The following MEPE variants were observed in gnomAD, a reference collection of about 807,000 sequenced individuals.
MEPE encodes the protein matrix extracellular phosphoglycoprotein, also known as matrix, extracellular phosphoglycoprotein with ASARM motif (bone).
MEPE carries 7 observed loss-of-function variants against 7.3 expected under a neutral mutation model. The observed-to-expected ratio is 0.95, with a 90% confidence interval of 0.54 to 1.79. The LOEUF (loss-of-function observed/expected upper bound fraction) is 1.79. Ranked by LOEUF, MEPE falls within the 40% of genes most tolerant of loss-of-function variation. MEPE has a pLI of 0.00. For synonymous variants in MEPE, 214 were observed against 213.1 expected (o/e 1.00, Z -0.04); for missense variants, 623 against 628.2 (o/e 0.99, Z 0.09).
rs1370429485 is a variant in MEPE, at chr4:87,846,563, G to A, written c.*117G>A. Reference sequence around the variant, plus strand: ...AAGAGAGGATAGAGTGAAGAACTGAGTGAGCCAAGAATCCTGGTCTCCTTG... The same window carrying A: ...AAGAGAGGATAGAGTGAAGAACTGAATGAGCCAAGAATCCTGGTCTCCTTG... On this transcript the variant is annotated 3_prime_UTR_variant, in exon 4 of 4. Coordinates refer to ENST00000361056, the MANE Select transcript of MEPE (RefSeq NM_020203.6). The A allele has an allele frequency of 6.8e-6, 8 of 1,176,834 alleles. No individual in the cohort carries two copies. Among genetic ancestry groups the A allele is most frequent in the Non-Finnish European group, 9.5e-6 (8 of 843,886 alleles). 72.9% of individuals were successfully genotyped at this position (1,176,834 alleles called of 1,614,324 possible). A position where few individuals can be genotyped will look rare whatever the true frequency, so the allele number is the denominator to read the frequency against.
intron 3 of MEPE, chr4:87,839,586 T>C (rs1224137126): frequency 8.6e-6 from 7 of 810,580 alleles, no homozygotes; most frequent in Non-Finnish European, 1.2e-5. Flanking sequence ...AGAATTCAAC[T>C]TCACCCAACT....
At position 87,846,610 on chromosome 4, in the gene MEPE, T is replaced by C. The variant is rs4314251; in HGVS notation, c.*164T>C. 1.5e-6 allele frequency: 1 copy of C among 671,978 alleles called. No homozygotes were observed. Among genetic ancestry groups the C allele is most frequent in the Non-Finnish European group, 2.4e-6 (1 of 412,870 alleles). The allele number at this position is 671,978 out of a possible 1,614,324, so 41.6% of individuals were successfully genotyped here. A position where few individuals can be genotyped will look rare whatever the true frequency, so the allele number is the denominator to read the frequency against. On this transcript the variant is annotated 3_prime_UTR_variant, in exon 4 of 4. Transcript: ENST00000361056. The stretch of plus-strand genomic sequence containing the variant: ...CTTGGGGGAATTTTTGCTATCTTAA[T>C]AGTCACAGTATAAAATTCTATTAAA...
chr4:87,845,633 C>A lies in MEPE; in HGVS notation c.765C>A (p.Phe255Leu). Residue 255 changes from phenylalanine to leucine, a missense_variant, in exon 4 of 4, where the codon TTC (phenylalanine) becomes TTA (leucine). Phe to Leu is a conservative substitution (Grantham distance 22, BLOSUM62 0). Coordinates refer to ENST00000361056, the MANE Select transcript of MEPE (RefSeq NM_020203.6). ...GAGGGGACAATGATATATCTCCTTTCAGTGGGGACGGCCAACCTTTTAAGG... is the reference window on the plus strand; with the variant it reads ...GAGGGGACAATGATATATCTCCTTTAAGTGGGGACGGCCAACCTTTTAAGG... The part of the protein sequence containing the change: ...QERGDNDISP[F>L]SGDGQPFKDI... The A allele has an allele frequency of 1.9e-6, 3 of 1,613,894 alleles. No individual in the cohort carries two copies. Among genetic ancestry groups the A allele is most frequent in the South Asian group, 1.1e-5 (1 of 91,038 alleles).
At chr4:87,830,353 A>C (rs1449828791), upstream of MEPE, among the ~76,000 whole-genome samples, 1 of 152,200 alleles carries the variant, frequency 6.6e-6, no homozygotes, top group African/African-American at 2.4e-5. Flanking sequence ...GACAGACTGG[A>C]TAAAGAAAAT....
chr4:87,826,094 G>A (rs1722456328), intron 1 of MEPE, among the ~76,000 whole-genome samples: 1 of 151,914 alleles, frequency 6.6e-6, no homozygotes, highest in South Asian at 2.1e-4. Flanking sequence ...TCATTGATGG[G>A]CATTTATATC....
chr4:87,845,269 G>A lies in MEPE; in HGVS notation c.401G>A (p.Ser134Asn). 1.2e-6 allele frequency: 2 copies of A among 1,613,980 alleles called. No homozygotes were observed. Among genetic ancestry groups the A allele is most frequent in the South Asian group, 2.2e-5 (2 of 91,078 alleles). ...KGFEDGDDAISKLHDQEEYGA... is the reference protein window; with the variant it reads ...KGFEDGDDAINKLHDQEEYGA... The stretch of plus-strand genomic sequence containing the variant: ...TTTGAGGATGGAGATGATGCTATCA[G>A]CAAACTACATGACCAAGAAGAATAT... The change falls in exon 4 of 4, where the codon AGC becomes AAC. Residue 134 changes from serine (S) to asparagine (N), a missense_variant. Coordinates refer to ENST00000361056, the MANE Select transcript of MEPE (RefSeq NM_020203.6).
chr4:87,846,119 C>CCAAG lies in MEPE; in HGVS notation c.1255_1258dup (p.Thr420SerfsTer5). On this transcript the variant is annotated frameshift_variant, in exon 4 of 4. Transcript: ENST00000361056. LOFTEE classifies it low-confidence loss of function (END_TRUNC). ...AGGGTGTAGATCATTCTAATAGGAA[C>CCAAG]CAAGCAACCTTAAATGAAAAACAAA... 6.2e-7 allele frequency: 1 copy of CCAAG among 1,603,890 alleles called. No homozygotes were observed. Among genetic ancestry groups the CCAAG allele is most frequent in the Non-Finnish European group, 8.5e-7 (1 of 1,175,576 alleles).
At chr4:87,834,372 C>A (rs1560536745) in intron 1 of MEPE, among the ~76,000 whole-genome samples, 1 of 152,280 alleles carries the variant, frequency 6.6e-6, no homozygotes, top group South Asian at 2.1e-4. Flanking sequence ...AATAATTAAA[C>A]AATCTCTTTC....
intron 1 of MEPE, among the ~76,000 whole-genome samples, chr4:87,821,936 G>A (rs1722348270): frequency 6.6e-6 from 1 of 152,244 alleles, no homozygotes. Context: ...CCTCATATAT[G>A]CAGCACAAGA....
At chr4:87,825,342 G>T (rs917516601) in intron 1 of MEPE, among the ~76,000 whole-genome samples, 1 of 152,170 alleles carries the variant, frequency 6.6e-6, no homozygotes, top group Non-Finnish European at 1.5e-5. Context: ...AATGGGCCAT[G>T]ATCAAATCCA....
upstream of MEPE, among the ~76,000 whole-genome samples, chr4:87,832,120 A>G (rs1290970538): frequency 2.6e-5 from 4 of 151,898 alleles, no homozygotes; most frequent in Non-Finnish European, 5.9e-5. Flanking sequence ...GACAAGCAGA[A>G]GGGCAAAAAG....
intron 1 of MEPE, among the ~76,000 whole-genome samples, chr4:87,822,182 C>T (rs1329038050): frequency 2.0e-5 from 3 of 152,174 alleles, no homozygotes; most frequent in Non-Finnish European, 4.4e-5. Flanking sequence ...AGTAGAACTT[C>T]CACTCAACAC....
chr4:87,821,890 A>G (rs560585214), intron 1 of MEPE, among the ~76,000 whole-genome samples: 2 of 152,272 alleles, frequency 1.3e-5, no homozygotes, highest in East Asian at 3.9e-4. Context: ...TCATTCACAC[A>G]GACAGCAGCT....
chr4:87,844,887 C>A, intron 3 of MEPE, 90 bp from the exon 4 acceptor site: 1 of 975,606 alleles, frequency 1.0e-6, no homozygotes, highest in Non-Finnish European at 1.4e-6. Context: ...TATTAAATAT[C>A]TGGTGGATGG....
upstream of MEPE, among the ~76,000 whole-genome samples, chr4:87,831,063 T>G (rs925686697): frequency 7.9e-5 from 12 of 152,114 alleles, no homozygotes; most frequent in African/African-American, 1.7e-4. Flanking sequence ...GTTAAATAAC[T>G]CTTACATAAT....
intron 1 of MEPE, among the ~76,000 whole-genome samples, chr4:87,826,179 A>C (rs1203422088): frequency 1.3e-5 from 2 of 151,520 alleles, no homozygotes; most frequent in African/African-American, 4.8e-5. Flanking sequence ...ATAAACATAC[A>C]TGTGCATGTT....
At position 87,846,100 on chromosome 4, in the gene MEPE, T is replaced by C. The variant is rs1269758522; in HGVS notation, c.1232T>C (p.Val411Ala). The C allele has an allele frequency of 6.2e-7, 1 of 1,613,964 alleles. No homozygotes were observed. Among genetic ancestry groups the C allele is most frequent in the Non-Finnish European group, 8.5e-7 (1 of 1,179,946 alleles). ...GGCAAAGGCAGTACCAGAAAGGGTGTAGATCATTCTAATAGGAACCAAGCA... is the reference window on the plus strand; with the variant it reads ...GGCAAAGGCAGTACCAGAAAGGGTGCAGATCATTCTAATAGGAACCAAGCA... ...KNGKGSTRKG[V>A]DHSNRNQATL... Residue 411 changes from valine to alanine, a missense_variant, in exon 4 of 4, where the codon GTA (valine) becomes GCA (alanine). Val to Ala is a moderately conservative substitution (Grantham distance 64). Transcript: ENST00000361056.
intron 1 of MEPE, among the ~76,000 whole-genome samples, chr4:87,827,723 A>T (rs1167711787): frequency 2.0e-5 from 3 of 152,210 alleles, no homozygotes; most frequent in Non-Finnish European, 4.4e-5. Flanking sequence ...GGAGTAAGAC[A>T]TCTCTCTAAT....
upstream of MEPE, among the ~76,000 whole-genome samples, chr4:87,832,184 T>C (rs144697254): frequency 1.3e-4 from 20 of 152,222 alleles, no homozygotes; most frequent in East Asian, 3.3e-3. Flanking sequence ...CCATTCATAC[T>C]GGGGTCTGCC....
Sources: gnomAD v4.1 joint callset for allele counts (sites outside exome capture counted in the v4.1 genomes callset) on GRCh38, gnomAD v4.1.1 for gene constraint, MANE v1.5 for transcripts, NCBI Gene and HGNC (gene_info 2026-07-23, HGNC 2026-07-21) for gene names.